Variants in EYA4 observed in about 807,000 individuals in gnomAD.
EYA4 encodes the protein EYA transcriptional coactivator and phosphatase 4.
A neutral mutation model predicts 87.9 loss-of-function variants in EYA4; 31 were observed. That is an observed-to-expected ratio of 0.35 (90% CI 0.27 to 0.48). The LOEUF (loss-of-function observed/expected upper bound fraction) is 0.48, where lower values mean the gene tolerates loss of function less well. EYA4 is among the 20% of genes least tolerant of loss of function. The probability of loss-of-function intolerance (pLI) is 0.99; values close to 1 mark genes in which losing one functional copy is unlikely to be tolerated. For synonymous variants in EYA4, 263 were observed against 270.6 expected, an observed-to-expected ratio of 0.97 and a Z score of 0.28; for missense variants, 678 against 761.4, an observed-to-expected ratio of 0.89 and a Z score of 1.29.
At position 133,346,842 on chromosome 6, in the gene EYA4, A is replaced by T. The variant is rs543103858; in HGVS notation, c.34-35550A>T. 2.0e-5 allele frequency among the ~76,000 whole-genome samples: 3 copies of T among 152,152 alleles called. No individual in the cohort carries two copies. In the East Asian group the frequency reaches 5.8e-4, roughly 29 times the overall value. On this transcript the variant is annotated intron_variant, in intron 2 of 19. Coordinates refer to ENST00000355286, the MANE Select transcript of EYA4 (RefSeq NM_004100.5). ...AAGGCACCCAGAGTGTGAACTTTCC[A>T]TATGATGCAGACCAGCTTTCTGTTT...
At chr6:133,416,629 A>G (rs1372873446) in intron 3 of EYA4, among the ~76,000 whole-genome samples, 1 of 152,254 alleles carries the variant, frequency 6.6e-6, no homozygotes, top group African/African-American at 2.4e-5. Context: ...TATATATTAT[A>G]TTACATTGAT....
At chr6:133,339,521 G>T (rs965143364) in intron 2 of EYA4, among the ~76,000 whole-genome samples, 2 of 152,166 alleles carry the variant, frequency 1.3e-5, no homozygotes, top group Non-Finnish European at 2.9e-5. Flanking sequence ...AGCAGAGGTT[G>T]TCCCTGGAGA....
At chr6:133,330,832 G>A (rs1449114203) in intron 2 of EYA4, among the ~76,000 whole-genome samples, 1 of 151,790 alleles carries the variant, frequency 6.6e-6, no homozygotes, top group African/African-American at 2.4e-5. Context: ...TGTATCTTGT[G>A]CAAAGTGTGG....
intron 19 of EYA4, among the ~76,000 whole-genome samples, chr6:133,526,945 A>G (rs566913496): frequency 6.6e-6 from 1 of 152,352 alleles, no homozygotes; most frequent in South Asian, 2.1e-4. Context: ...TTTCCAAACC[A>G]GTAACACAAT....
chr6:133,247,145 A>G (rs545414654), intron 1 of EYA4: 2 of 152,248 alleles, frequency 1.3e-5, no homozygotes, highest in South Asian at 2.1e-4. Flanking sequence ...GAAGTCAAAG[A>G]AAAAAAATTA....
In EYA4 at chr6:133,529,730, T is replaced by C. The variant is rs1405445635; in HGVS notation, c.*925T>C. ...AGGCAACTATTTGCGCATCCAACCATGAGTGGAAGGTTTGGGAAAGACTGT... is the reference window on the plus strand; with the variant it reads ...AGGCAACTATTTGCGCATCCAACCACGAGTGGAAGGTTTGGGAAAGACTGT... On this transcript the variant is annotated 3_prime_UTR_variant, in exon 20 of 20. Coordinates refer to ENST00000355286, the MANE Select transcript of EYA4 (RefSeq NM_004100.5). The C allele has an allele frequency of 2.8e-5, 28 of 985,166 alleles. No homozygotes were observed. The highest frequency in any genetic ancestry group is 2.3e-4 in the East Asian group (2 of 8,828). 61.0% of individuals were successfully genotyped at this position (985,166 alleles called of 1,614,324 possible).
At chr6:133,271,787 G>A (rs1329093892) in intron 1 of EYA4, among the ~76,000 whole-genome samples, 1 of 152,194 alleles carries the variant, frequency 6.6e-6, no homozygotes. Context: ...TGACAGGGGT[G>A]GCTGGGGAAA....
chr6:133,262,919 CT>C (rs995260574), intron 1 of EYA4, among the ~76,000 whole-genome samples: 10 of 152,154 alleles, frequency 6.6e-5, no homozygotes, highest in African/African-American at 2.4e-4. Context: ...AGCTGTTTTT[CT>C]TTTCTACGGC....
At chr6:133,286,373 A>G (rs1562248919) in intron 2 of EYA4, among the ~76,000 whole-genome samples, 1 of 152,232 alleles carries the variant, frequency 6.6e-6, no homozygotes, top group Admixed American at 6.5e-5. Context: ...AGGCTTCAAG[A>G]TATCAATGGT....
intron 2 of EYA4, among the ~76,000 whole-genome samples, chr6:133,339,761 G>C (rs1277971090): frequency 6.6e-6 from 1 of 152,142 alleles, no homozygotes; most frequent in Non-Finnish European, 1.5e-5. Flanking sequence ...GTTCTAACTT[G>C]GTTGAACTCT....
intron 2 of EYA4, among the ~76,000 whole-genome samples, chr6:133,294,045 AT>A (rs1778730454): frequency 6.7e-5 from 6 of 89,038 alleles, no homozygotes; most frequent in South Asian, 3.5e-4. Context: ...ATATATATAT[AT>A]ATATATATAT....
intron 2 of EYA4, among the ~76,000 whole-genome samples, chr6:133,292,077 T>A (rs1262372639): frequency 6.6e-6 from 1 of 152,174 alleles, no homozygotes; most frequent in East Asian, 1.9e-4. Context: ...TATTTAAAAG[T>A]TTATGTTAAG....
At chr6:133,519,526 C>T (rs901091041) in intron 17 of EYA4, among the ~76,000 whole-genome samples, 1 of 151,406 alleles carries the variant, frequency 6.6e-6, no homozygotes, top group Admixed American at 6.6e-5. Flanking sequence ...CAAAAAGAGT[C>T]CAGGACCAGA....
intron 2 of EYA4, among the ~76,000 whole-genome samples, chr6:133,281,154 C>T (rs1777593454): frequency 6.6e-6 from 1 of 151,876 alleles, no homozygotes; most frequent in South Asian, 2.1e-4. Context: ...TATAAGGTTA[C>T]TTCTTTTTTT....
In EYA4 at chr6:133,250,752, G is replaced by A. The variant is rs147329519; in HGVS notation, c.-66+9003G>A. 7.2e-5 allele frequency among the ~76,000 whole-genome samples: 11 copies of A among 152,314 alleles called. No homozygotes were observed. In the East Asian group the frequency reaches 1.7e-3, roughly 24 times the overall value. ...TAACATCAAACACATTACTGAAACA[G>A]ATTTTGCTTCAGTTTCTCATGTGTA... On this transcript the variant is annotated intron_variant, in intron 1 of 19. Transcript: ENST00000355286.
At chr6:133,415,428 G>A (rs538058822) in intron 3 of EYA4, among the ~76,000 whole-genome samples, 39 of 152,174 alleles carry the variant, frequency 2.6e-4, no homozygotes, top group South Asian at 1.5e-3. Context: ...CTCACTGCTC[G>A]GTCTTTTCTG....
chr6:133,332,906 T>C (rs939386252), intron 2 of EYA4, among the ~76,000 whole-genome samples: 1 of 152,050 alleles, frequency 6.6e-6, no homozygotes, highest in Non-Finnish European at 1.5e-5. Context: ...CAGTTTCTGC[T>C]GCTTTCTCTT....
intron 2 of EYA4, among the ~76,000 whole-genome samples, chr6:133,368,614 A>G (rs1006368045): frequency 6.6e-6 from 1 of 152,186 alleles, no homozygotes; most frequent in East Asian, 1.9e-4. Context: ...TCCTAACCAT[A>G]CTAGGAACAA....
In EYA4 at chr6:133,481,559, G is replaced by A. The variant is rs762144530; in HGVS notation, c.1067G>A (p.Arg356Gln). 2.9e-5 allele frequency: 46 copies of A among 1,613,802 alleles called. No homozygotes were observed. The highest frequency in any genetic ancestry group is 8.9e-5 in the East Asian group (4 of 44,876). The change falls in exon 12 of 20, where the codon CGG (arginine) becomes CAG (glutamine). Residue 356 changes from arginine to glutamine, a missense_variant. Physicochemically the swap from Arg to Gln is conservative, Grantham distance 43. Coordinates refer to ENST00000355286, the MANE Select transcript of EYA4 (RefSeq NM_004100.5). ...SSGSKSRGRG[R>Q]KNNPSPPPDS... ...GGGTCAAAGTCCAGAGGAAGAGGCC[G>A]GAAAAATAATCCCTCCCCGCCTCCT...
Sources: allele counts gnomAD v4.1 joint callset (sites outside exome capture counted in the v4.1 genomes callset), GRCh38; gene constraint gnomAD v4.1.1; transcripts MANE v1.5; gene names NCBI Gene and HGNC (gene_info 2026-07-23, HGNC 2026-07-21).